Variants in SNX9 observed in about 807,000 individuals in gnomAD.
The protein encoded by SNX9 is sorting nexin 9, also known as sorting nexin-9.
In SNX9, 44 loss-of-function variants were observed where a neutral mutation model predicts 89.4. That is an observed-to-expected ratio of 0.49 (90% CI 0.39 to 0.63). The LOEUF is 0.63. Ranked by LOEUF, SNX9 falls within the 30% of genes least tolerant of loss-of-function variation. The pLI, the probability that SNX9 is intolerant of heterozygous loss-of-function variation, is 0.00. For missense variants in SNX9, 578 were observed against 736.1 expected, an observed-to-expected ratio of 0.79 and a Z score of 2.49; for synonymous variants, 236 against 247.8, an observed-to-expected ratio of 0.95 and a Z score of 0.45.
intron 5 of SNX9, among the ~76,000 whole-genome samples, chr6:157,897,577 G>A (rs1371607198): frequency 2.6e-5 from 4 of 152,046 alleles, no homozygotes; most frequent in South Asian, 2.1e-4. Flanking sequence ...GCACAATCTC[G>A]GCTCACTGCA....
intron 1 of SNX9, among the ~76,000 whole-genome samples, chr6:157,831,704 G>A (rs1185519062): frequency 2.6e-5 from 4 of 152,146 alleles, no homozygotes; most frequent in Admixed American, 6.5e-5. Flanking sequence ...TGGCCTCTCC[G>A]GAGCCTTTCC....
At chr6:157,854,644 T>C (rs1781974233) in intron 1 of SNX9, among the ~76,000 whole-genome samples, 1 of 152,210 alleles carries the variant, frequency 6.6e-6, no homozygotes, top group African/African-American at 2.4e-5. Flanking sequence ...AACTTCATTG[T>C]GTTGCTTTTG....
At chr6:157,917,774 G>A (rs1158586594) in intron 9 of SNX9, among the ~76,000 whole-genome samples, 1 of 151,888 alleles carries the variant, frequency 6.6e-6, no homozygotes, top group African/African-American at 2.4e-5. Context: ...ATTGTTTTGA[G>A]AATAATAACA....
At chr6:157,889,831 T>C (rs146126994) in intron 4 of SNX9, among the ~76,000 whole-genome samples, 173 of 152,344 alleles carry the variant, frequency 1.1e-3, no homozygotes, top group African/African-American at 4.0e-3. Context: ...TGCTAGTCTT[T>C]ATTCTTTTCT....
chr6:157,829,720 T>C (rs1781446492), intron 1 of SNX9, among the ~76,000 whole-genome samples: 1 of 152,244 alleles, frequency 6.6e-6, no homozygotes, highest in Admixed American at 6.5e-5. Flanking sequence ...ATGCATTTTT[T>C]CTTAAAGACT....
chr6:157,910,096 C>T (rs754861270), intron 9 of SNX9, 71 bp downstream of exon 9: 58 of 1,191,770 alleles, frequency 4.9e-5, no homozygotes, highest in Non-Finnish European at 6.5e-5. Context: ...TCCTGTAAGT[C>T]AGTGATGGCA....
intron 9 of SNX9, among the ~76,000 whole-genome samples, chr6:157,918,601 T>C (rs1783521114): frequency 1.3e-5 from 2 of 152,190 alleles, no homozygotes; most frequent in South Asian, 4.1e-4. Context: ...GTATTTAATA[T>C]AATTATTGAC....
At chr6:157,941,904 A>G (rs984724575) in intron 17 of SNX9, among the ~76,000 whole-genome samples, 2 of 152,248 alleles carry the variant, frequency 1.3e-5, no homozygotes, top group African/African-American at 2.4e-5. Context: ...TGCTCTTTAA[A>G]TGCACACTTT....
intron 1 of SNX9, among the ~76,000 whole-genome samples, chr6:157,861,566 G>C (rs1362077013): frequency 6.6e-6 from 1 of 152,160 alleles, no homozygotes; most frequent in Non-Finnish European, 1.5e-5. Context: ...ATTTTATAGC[G>C]ATAACTATAA....
chr6:157,889,770 A>AT (rs1344493781), intron 4 of SNX9, among the ~76,000 whole-genome samples: 4 of 152,234 alleles, frequency 2.6e-5, no homozygotes, highest in Non-Finnish European at 4.4e-5. Flanking sequence ...CTTTTCCTGC[A>AT]TAGCATAAGC....
At chr6:157,909,044 A>ACCTCCC (rs1783279360) in intron 7 of SNX9, among the ~76,000 whole-genome samples, 1 of 151,420 alleles carries the variant, frequency 6.6e-6, no homozygotes, top group Admixed American at 6.6e-5. Flanking sequence ...AAGATGTAGT[A>ACCTCCC]CCTCCCCCTC....
At chr6:157,880,451 C>G (rs1278751782) in intron 4 of SNX9, among the ~76,000 whole-genome samples, 2 of 152,124 alleles carry the variant, frequency 1.3e-5, no homozygotes, top group African/African-American at 4.8e-5. Context: ...CTTTGATTTG[C>G]CCAATTTCTA....
At chr6:157,937,323 A>G (rs1025685917) in intron 14 of SNX9, 111 bp from the exon 15 acceptor site, 45 of 686,018 alleles carry the variant, frequency 6.6e-5, no homozygotes, top group Non-Finnish European at 1.0e-4. Flanking sequence ...TTAACACTCA[A>G]TAATTTAGTG....
chr6:157,850,506 A>C (rs545462573), intron 1 of SNX9, among the ~76,000 whole-genome samples: 1 of 152,300 alleles, frequency 6.6e-6, no homozygotes, highest in East Asian at 1.9e-4. Context: ...TGGGAGGAGT[A>C]ACCAACAGTC....
chr6:157,829,793 C>G (rs540227146), intron 1 of SNX9, among the ~76,000 whole-genome samples: 1 of 152,060 alleles, frequency 6.6e-6, no homozygotes, highest in South Asian at 2.1e-4. Context: ...TATATAAAAG[C>G]CAATAGCTGA....
intron 4 of SNX9, among the ~76,000 whole-genome samples, chr6:157,891,225 C>T (rs2115158152): frequency 6.6e-6 from 1 of 151,916 alleles, no homozygotes; most frequent in South Asian, 2.1e-4. Flanking sequence ...GATGGGGTTT[C>T]ACCATGTTGG....
In SNX9 at chr6:157,826,971, CAT is replaced by C. The variant is rs1445628852; in HGVS notation, c.12+3532_12+3533del. On this transcript the variant is annotated intron_variant, in intron 1 of 17. Transcript: ENST00000392185. ...TATATTATAGTTTATATAATATATA[CAT>C]ATATATTATAGTTTATATAATATAT... Among the ~76,000 whole-genome samples the C allele has an allele frequency of 1.1e-3, 9 of 7,960 alleles. 2 individuals are homozygous for C. The highest frequency in any genetic ancestry group is 8.1e-3 in the South Asian group (2 of 248). The allele number at this position is 7,960 out of a possible 152,430, so 5.2% of individuals were successfully genotyped here. A position where few individuals can be genotyped will look rare whatever the true frequency, so the allele number is the denominator to read the frequency against.
intron 1 of SNX9, among the ~76,000 whole-genome samples, chr6:157,838,478 A>G (rs1337335195): frequency 2.0e-5 from 3 of 152,232 alleles, no homozygotes; most frequent in African/African-American, 4.8e-5. Flanking sequence ...GTATGTATAC[A>G]TAGTGTACAG....
intron 4 of SNX9, among the ~76,000 whole-genome samples, chr6:157,894,002 G>A (rs934278448): frequency 1.3e-5 from 2 of 152,066 alleles, no homozygotes; most frequent in African/African-American, 2.4e-5. Context: ...TCAAATCATG[G>A]GGGAAAGATG....
Sources: gnomAD v4.1 joint callset for allele counts (sites outside exome capture counted in the v4.1 genomes callset) on GRCh38, gnomAD v4.1.1 for gene constraint, MANE v1.5 for transcripts, NCBI Gene and HGNC (gene_info 2026-07-23, HGNC 2026-07-21) for gene names.